NBEAL1: variants seen among roughly 807,000 people sequenced by gnomAD.
NBEAL1 encodes neurobeachin-like protein 1.
Under a neutral mutation model 351.3 loss-of-function variants are expected in NBEAL1, and 273 were observed. That is an observed-to-expected ratio of 0.78 (90% CI 0.70 to 0.86). The LOEUF (loss-of-function observed/expected upper bound fraction) is 0.86. Among genes scored for constraint, NBEAL1 ranks in the 40% least tolerant of loss-of-function variants. The pLI, the probability that NBEAL1 is intolerant of heterozygous loss-of-function variation, is 0.00. For missense variants in NBEAL1, 2,961 were observed against 3,201.3 expected, an observed-to-expected ratio of 0.92 and a Z score of 1.81; for synonymous variants, 1,050 against 1,086.4, an observed-to-expected ratio of 0.97 and a Z score of 0.66.
At chr2:203,170,603 G>A (rs1036705238) in intron 39 of NBEAL1, among the ~76,000 whole-genome samples, 1 of 152,124 alleles carries the variant, frequency 6.6e-6, no homozygotes, top group Non-Finnish European at 1.5e-5. Context: ...AGGACTGTTC[G>A]TAGTCTCTTA....
chr2:203,203,132 T>C (rs1189006198), intron 51 of NBEAL1, among the ~76,000 whole-genome samples: 1 of 152,146 alleles, frequency 6.6e-6, no homozygotes. Flanking sequence ...ATTCTCATAA[T>C]AATATTGGTC....
At chr2:203,199,542 ATAT>A in intron 49 of NBEAL1, 95 bp downstream of exon 49, 13 of 623,906 alleles carry the variant, frequency 2.1e-5, no homozygotes, top group African/African-American at 9.7e-5. Context: ...TCTGAAAGAA[ATAT>A]TTTTTTTTTT....
At position 203,107,766 on chromosome 2, in the gene NBEAL1, T is replaced by A; in HGVS notation, c.1527T>A (p.Ser509Arg). The A allele has an allele frequency of 6.4e-7, 1 of 1,554,078 alleles. No individual in the cohort carries two copies. The highest frequency in any genetic ancestry group is 8.7e-7 in the Non-Finnish European group (1 of 1,147,610). Residue 509 changes from serine to arginine, a missense_variant, in exon 14 of 56, where the codon AGT (serine) becomes AGA (arginine). By Grantham distance (110) the Ser-to-Arg change is moderately radical (BLOSUM62 -1). Coordinates refer to ENST00000683969, the MANE Select transcript of NBEAL1 (RefSeq NM_001378026.1). The stretch of plus-strand genomic sequence containing the variant: ...GAATTTGTTGTATTAATAGACAGAG[T>A]CGAACTACTTGTGTCAATGCAAACA... Reference protein sequence around the residue: ...LKRICCINRQSRTTCVNANMG... With the variant: ...LKRICCINRQRRTTCVNANMG...
intron 55 of NBEAL1, among the ~76,000 whole-genome samples, chr2:203,214,459 C>CA (rs35777020): frequency 2.7e-5 from 4 of 149,650 alleles, no homozygotes; most frequent in Non-Finnish European, 4.5e-5. Context: ...ATTATTTTAC[C>CA]AAAAAAAAAG....
rs1289167470 is a variant in NBEAL1 at position 203,158,349 on chromosome 2, C to G, written c.5714+524C>G. On this transcript the variant is annotated intron_variant, in intron 36 of 55. Coordinates refer to ENST00000683969, the MANE Select transcript of NBEAL1 (RefSeq NM_001378026.1). ...GATATTGCCACAAATAATAAAATGA[C>G]TGAAAAGAATAGTAATAACTTTATG... is the stretch of plus-strand genomic sequence containing the variant. Among the ~76,000 whole-genome samples the G allele has an allele frequency of 4.6e-5, 7 of 152,064 alleles. No homozygotes were observed. The East Asian group carries it at 1.3e-3, about 29-fold the overall frequency.
At chr2:203,022,963 C>T (rs1559313941) in intron 2 of NBEAL1, among the ~76,000 whole-genome samples, 1 of 152,126 alleles carries the variant, frequency 6.6e-6, no homozygotes, top group African/African-American at 2.4e-5. Context: ...TGGAATATGA[C>T]TGAAATAGAT....
At chr2:203,094,501 G>C (rs568514234) in intron 10 of NBEAL1, among the ~76,000 whole-genome samples, 1 of 152,302 alleles carries the variant, frequency 6.6e-6, no homozygotes, top group African/African-American at 2.4e-5. Flanking sequence ...GGCAAATAAA[G>C]TTTAAAATAT....
At chr2:203,031,898 A>C (rs912318719) in intron 2 of NBEAL1, among the ~76,000 whole-genome samples, 2 of 152,232 alleles carry the variant, frequency 1.3e-5, no homozygotes, top group African/African-American at 4.8e-5. Flanking sequence ...TCTTGTATAC[A>C]ATCCCCTCCC....
At chr2:203,136,927 C>T (rs539520746) in intron 29 of NBEAL1, among the ~76,000 whole-genome samples, 153 bp downstream of exon 29, 1 of 152,198 alleles carries the variant, frequency 6.6e-6, no homozygotes, top group South Asian at 2.1e-4. Flanking sequence ...TATCTTTTGC[C>T]GTATTAGTAG....
At chr2:203,207,502 G>A (rs1246044694) in intron 51 of NBEAL1, among the ~76,000 whole-genome samples, 6 of 152,232 alleles carry the variant, frequency 3.9e-5, no homozygotes, top group Non-Finnish European at 8.8e-5. Context: ...TTGAGAAATC[G>A]GATGGTTGCC....
chr2:203,135,356 A>G (rs950436198), intron 27 of NBEAL1, among the ~76,000 whole-genome samples: 11 of 152,134 alleles, frequency 7.2e-5, no homozygotes, highest in African/African-American at 2.7e-4. Context: ...GGGCTCATGG[A>G]AAGTATTTAG....
At chr2:203,113,997 A>G (rs1413474319) in intron 17 of NBEAL1, among the ~76,000 whole-genome samples, 1 of 151,848 alleles carries the variant, frequency 6.6e-6, no homozygotes, top group African/African-American at 2.4e-5. Context: ...AATTTTTTGT[A>G]TATTTAGTAG....
chr2:203,068,450 A>G lies in NBEAL1; in HGVS notation c.573A>G (p.Thr191=). 1 of 1,547,094 alleles carries G rather than the reference A, an allele frequency of 6.5e-7. No individual in the cohort carries two copies. Reference sequence around the variant, plus strand: ...AGAAATATAAACCAGCTTCTCTCACAGTGGAATTCGTCCCTTTCTTTTATC... The same window carrying G: ...AGAAATATAAACCAGCTTCTCTCACGGTGGAATTCGTCCCTTTCTTTTATC... ...SRQKYKPASL[T]VEFVPFFYQC... is the part of the protein sequence containing the mutation. The change falls in exon 7 of 56, where the codon ACA becomes ACG. Residue 191 remains threonine (T), a synonymous_variant. Transcript: ENST00000683969.
At chr2:203,189,337 T>G (rs888751079) in intron 45 of NBEAL1, among the ~76,000 whole-genome samples, 1 of 152,220 alleles carries the variant, frequency 6.6e-6, no homozygotes, top group African/African-American at 2.4e-5. Context: ...CCAAAACAAT[T>G]AGGTGTACTC....
intron 8 of NBEAL1, among the ~76,000 whole-genome samples, chr2:203,080,643 C>T (rs1453445843): frequency 6.6e-6 from 1 of 151,974 alleles, no homozygotes; most frequent in Non-Finnish European, 1.5e-5. Context: ...TTTTTTGGCA[C>T]CTAGCCAGAG....
chr2:203,084,657 AT>A, intron 10 of NBEAL1, 88 bp downstream of exon 10: 1 of 619,048 alleles, frequency 1.6e-6, no homozygotes, highest in Non-Finnish European at 2.5e-6. Flanking sequence ...ATTTTTACTA[AT>A]TTTTATACTT....
chr2:203,129,125 C>T (rs1015546292), intron 24 of NBEAL1, among the ~76,000 whole-genome samples: 6 of 152,168 alleles, frequency 3.9e-5, no homozygotes, highest in African/African-American at 1.4e-4. Context: ...TTCTCGTGCA[C>T]GTGGTAAAAT....
intron 3 of NBEAL1, among the ~76,000 whole-genome samples, chr2:203,047,460 A>C (rs919975089): frequency 2.6e-5 from 4 of 152,182 alleles, no homozygotes; most frequent in African/African-American, 9.7e-5. Flanking sequence ...GAACTCTAAG[A>C]TGTTGGCCCC....
intron 1 of NBEAL1, among the ~76,000 whole-genome samples, chr2:203,015,255 A>G (rs1395575959): frequency 6.6e-6 from 1 of 152,132 alleles, no homozygotes; most frequent in Admixed American, 6.5e-5. Context: ...TGAGGAGGAA[A>G]TTAAAAGATT....
Sources: allele counts gnomAD v4.1 joint callset (sites outside exome capture counted in the v4.1 genomes callset), GRCh38; gene constraint gnomAD v4.1.1; transcripts MANE v1.5; gene names NCBI Gene and HGNC (gene_info 2026-07-23, HGNC 2026-07-21).